Variants in CSMD1 observed in about 807,000 individuals in gnomAD.
The protein encoded by CSMD1 is CUB and sushi domain-containing protein 1.
CSMD1 carries 213 observed loss-of-function variants against 417.5 expected under a neutral mutation model. The ratio of observed to expected loss-of-function variants is 0.51; its 90% CI spans 0.46 to 0.57. The LOEUF is 0.57. Among genes scored for constraint, CSMD1 ranks in the 20% least tolerant of loss-of-function variants. CSMD1 has a pLI of 0.00. For missense variants in CSMD1, 6,923 were observed against 4,529.7 expected (o/e 1.53, Z -15.17); for synonymous variants, 2,862 against 1,736.8 (o/e 1.65, Z -16.11).
chr8:4,812,082 G>C (rs907094568), intron 1 of CSMD1, among the ~76,000 whole-genome samples: 1 of 152,126 alleles, frequency 6.6e-6, no homozygotes, highest in African/African-American at 2.4e-5. Context: ...TGACATCATC[G>C]AAAATTCCTA....
intron 23 of CSMD1, among the ~76,000 whole-genome samples, chr8:3,324,380 G>T (rs913754677): frequency 6.6e-6 from 1 of 151,244 alleles, no homozygotes. Flanking sequence ...CCCAGGAAGG[G>T]GCGTTTCCTT....
intron 7 of CSMD1, among the ~76,000 whole-genome samples, chr8:3,652,121 A>ACCG (rs1797888052): frequency 9.6e-6 from 1 of 103,994 alleles, no homozygotes; most frequent in Non-Finnish European, 2.2e-5. Flanking sequence ...CACGCTTACC[A>ACCG]TCAGAGCGCT....
At chr8:3,134,981 T>C (rs1176208749) in intron 41 of CSMD1, among the ~76,000 whole-genome samples, 1 of 152,104 alleles carries the variant, frequency 6.6e-6, no homozygotes, top group Non-Finnish European at 1.5e-5. Flanking sequence ...TGGAGTGCAG[T>C]GATGTGATGG....
intron 3 of CSMD1, among the ~76,000 whole-genome samples, chr8:4,330,111 G>C (rs1799783704): frequency 6.6e-6 from 1 of 151,492 alleles, no homozygotes; most frequent in Non-Finnish European, 1.5e-5. Context: ...AATATAGTCA[G>C]CATTTGACTA....
At chr8:4,691,944 C>A (rs1324523774) in intron 1 of CSMD1, among the ~76,000 whole-genome samples, 1 of 152,186 alleles carries the variant, frequency 6.6e-6, no homozygotes, top group African/African-American at 2.4e-5. Context: ...TAGTTTATGG[C>A]AAATAAACTG....
At chr8:3,260,385 C>A (rs1025971467) in intron 26 of CSMD1, among the ~76,000 whole-genome samples, 1 of 151,628 alleles carries the variant, frequency 6.6e-6, no homozygotes, top group Non-Finnish European at 1.5e-5. Flanking sequence ...TTTCAGTGGC[C>A]GAACAGGTTT....
At chr8:4,449,384 CAT>C (rs1798998314) in intron 2 of CSMD1, among the ~76,000 whole-genome samples, 1 of 152,118 alleles carries the variant, frequency 6.6e-6, no homozygotes, top group Non-Finnish European at 1.5e-5. Flanking sequence ...TGGTGTATAA[CAT>C]AAGAGATACT....
At chr8:4,786,660 C>T (rs768057711) in intron 1 of CSMD1, among the ~76,000 whole-genome samples, 8 of 152,158 alleles carry the variant, frequency 5.3e-5, no homozygotes, top group Non-Finnish European at 1.2e-4. Context: ...ATCTAGAATA[C>T]GTTCTTTTAC....
chr8:3,719,193 A>T (rs1361522059), intron 6 of CSMD1, among the ~76,000 whole-genome samples: 1 of 151,988 alleles, frequency 6.6e-6, no homozygotes, highest in Non-Finnish European at 1.5e-5. Flanking sequence ...ATAATTTCCC[A>T]AATTTCCTAC....
At chr8:3,999,916 T>C (rs984192808) in intron 4 of CSMD1, among the ~76,000 whole-genome samples, 2 of 152,214 alleles carry the variant, frequency 1.3e-5, no homozygotes, top group African/African-American at 4.8e-5. Context: ...AAACTCATTT[T>C]TTAGATCCCA....
intron 3 of CSMD1, among the ~76,000 whole-genome samples, chr8:4,065,873 T>A (rs1799219451): frequency 6.6e-6 from 1 of 152,210 alleles, no homozygotes. Flanking sequence ...TCCTTCACTG[T>A]CTTCCATAAG....
chr8:4,450,694 ACACAT>A (rs1269146561), intron 2 of CSMD1, among the ~76,000 whole-genome samples: 2 of 152,184 alleles, frequency 1.3e-5, no homozygotes, highest in Non-Finnish European at 2.9e-5. Context: ...CCAATGTATA[ACACAT>A]CACAGAGTTT....
intron 12 of CSMD1, among the ~76,000 whole-genome samples, chr8:3,412,513 G>T (rs997229972): frequency 3.9e-5 from 6 of 152,142 alleles, no homozygotes. Context: ...TCAAAGAAGT[G>T]AAGTTTGATA....
intron 2 of CSMD1, among the ~76,000 whole-genome samples, chr8:4,608,550 C>G (rs930145567): frequency 6.6e-6 from 1 of 152,172 alleles, no homozygotes; most frequent in African/African-American, 2.4e-5. Flanking sequence ...CTGTCATTAA[C>G]AATTATTCTG....
Position 3,298,697 on chromosome 8 carries a change from G to A in CSMD1, c.3950+8998C>T, listed in dbSNP as rs1437274260. On this transcript the variant is annotated intron_variant, in intron 25 of 69. Coordinates refer to ENST00000635120, the MANE Select transcript of CSMD1 (RefSeq NM_033225.6). The stretch of plus-strand genomic sequence containing the variant: ...TTGAACTCCTGATCTCAGGTAATCT[G>A]CCCGCCTCAGCCTCCCAAAGTGCTA... Among the ~76,000 whole-genome samples the A allele has an allele frequency of 3.3e-5, 5 of 152,136 alleles. No individual in the cohort carries two copies. In the East Asian group the frequency reaches 9.6e-4, roughly 29 times the overall value.
chr8:4,161,416 C>G (rs575803259), intron 3 of CSMD1, among the ~76,000 whole-genome samples: 9 of 152,296 alleles, frequency 5.9e-5, no homozygotes, highest in South Asian at 4.1e-4. Context: ...TGTCATTCCT[C>G]CTTAATTTTT....
chr8:3,190,495 T>A (rs1463910648), intron 33 of CSMD1, among the ~76,000 whole-genome samples: 4 of 152,180 alleles, frequency 2.6e-5, no homozygotes, highest in Non-Finnish European at 5.9e-5. Flanking sequence ...GATAATGAGA[T>A]GACTAACCAT....
intron 68 of CSMD1, among the ~76,000 whole-genome samples, chr8:2,946,777 A>T (rs367671891): frequency 1.3e-5 from 2 of 152,224 alleles, no homozygotes; most frequent in Non-Finnish European, 2.9e-5. Context: ...CTGGAGCTTA[A>T]GTAACAACTG....
At chr8:3,019,386 G>T (rs1402132300) in intron 51 of CSMD1, among the ~76,000 whole-genome samples, 1 of 152,152 alleles carries the variant, frequency 6.6e-6, no homozygotes, top group Non-Finnish European at 1.5e-5. Flanking sequence ...GTAATTACCA[G>T]AAGCCTCAGG....
Sources: gnomAD v4.1 joint callset for allele counts (sites outside exome capture counted in the v4.1 genomes callset) on GRCh38, gnomAD v4.1.1 for gene constraint, MANE v1.5 for transcripts, NCBI Gene and HGNC (gene_info 2026-07-23, HGNC 2026-07-21) for gene names.